The following VPS13D variants were observed in gnomAD, a reference collection of about 807,000 sequenced individuals.
VPS13D encodes intermembrane lipid transfer protein VPS13D.
Under a neutral mutation model 461.9 loss-of-function variants are expected in VPS13D, and 187 were observed. The ratio of observed to expected loss-of-function variants is 0.40; its 90% CI spans 0.36 to 0.46. The LOEUF is 0.46. Among genes scored for constraint, VPS13D ranks in the 20% least tolerant of loss-of-function variants. The probability of loss-of-function intolerance (pLI) is 0.60; values close to 1 mark genes in which losing one functional copy is unlikely to be tolerated. For missense variants in VPS13D, 4,711 were observed against 5,364.9 expected, an observed-to-expected ratio of 0.88 and a Z score of 3.81; for synonymous variants, 1,951 against 1,986.3, an observed-to-expected ratio of 0.98 and a Z score of 0.47.
At chr1:12,235,149 C>A (rs1640103689) in intron 2 of VPS13D, among the ~76,000 whole-genome samples, 1 of 152,212 alleles carries the variant, frequency 6.6e-6, no homozygotes, top group Non-Finnish European at 1.5e-5. Flanking sequence ...GGGAAGGAGA[C>A]TTCAAATACA....
At chr1:12,500,843 G>A (rs572260504) in intron 68 of VPS13D, among the ~76,000 whole-genome samples, 9 of 150,632 alleles carry the variant, frequency 6.0e-5, no homozygotes, top group East Asian at 2.1e-4. Context: ...TGGGAGGATC[G>A]CTTGAGGCCG....
chr1:12,265,917 G>A (rs1419764154), intron 13 of VPS13D, among the ~76,000 whole-genome samples: 3 of 152,262 alleles, frequency 2.0e-5, no homozygotes, highest in East Asian at 1.9e-4. Flanking sequence ...CCAGCACTTC[G>A]GGAGGCCAAG....
At chr1:12,286,259 G>A (rs1456864632) in intron 21 of VPS13D, among the ~76,000 whole-genome samples, 1 of 152,080 alleles carries the variant, frequency 6.6e-6, no homozygotes, top group Admixed American at 6.6e-5. Flanking sequence ...TGTGTTTTTA[G>A]TTGAGATGGG....
Position 12,253,829 on chromosome 1 carries a change from A to G in VPS13D, c.669+3A>G, listed in dbSNP as rs1029116155. ...ATTTGCCTCAGATGGAGTTACAGGT[A>G]CGATTTCGGCAGGGAGATTTGTTGC... On this transcript the variant is annotated splice_donor_region_variant and intron_variant, in intron 7 of 69. Transcript: ENST00000620676. 3.1e-6 allele frequency: 5 copies of G among 1,612,874 alleles called. No homozygotes were observed. The African/African-American group carries it at 6.7e-5, about 22-fold the overall frequency.
intron 65 of VPS13D, among the ~76,000 whole-genome samples, chr1:12,443,283 T>C (rs1645152004): frequency 6.6e-6 from 1 of 152,266 alleles, no homozygotes. Context: ...ATTTTTGAGA[T>C]TCATGCATGT....
intron 30 of VPS13D, among the ~76,000 whole-genome samples, chr1:12,315,669 T>C (rs2101511880): frequency 6.6e-6 from 1 of 152,348 alleles, no homozygotes; most frequent in East Asian, 1.9e-4. Flanking sequence ...AAGCCCATGA[T>C]GTTTCCAACA....
chr1:12,344,434 G>A (rs1360794956), intron 42 of VPS13D, among the ~76,000 whole-genome samples: 4 of 152,110 alleles, frequency 2.6e-5, no homozygotes, highest in Non-Finnish European at 4.4e-5. Context: ...TCACTATGCT[G>A]GGCACACATG....
chr1:12,477,633 G>A (rs1001980300), intron 67 of VPS13D, among the ~76,000 whole-genome samples: 1 of 152,120 alleles, frequency 6.6e-6, no homozygotes, highest in African/African-American at 2.4e-5. Context: ...GCATTAATGA[G>A]AACACATGGA....
intron 67 of VPS13D, among the ~76,000 whole-genome samples, chr1:12,476,022 C>T (rs887139633): frequency 3.3e-5 from 5 of 152,170 alleles, no homozygotes; most frequent in African/African-American, 1.2e-4. Flanking sequence ...ATGAGTACTT[C>T]TTAGCCTTGG....
rs183524809 is a variant in VPS13D at position 12,253,760 on chromosome 1, A to G, written c.603A>G (p.Ala201=). 2.5e-6 allele frequency: 4 copies of G among 1,614,190 alleles called. No homozygotes were observed. The highest frequency in any genetic ancestry group is 4.5e-5 in the East Asian group (2 of 44,880). Residue 201 remains alanine (A), a synonymous_variant, in exon 7 of 70, where the codon GCA becomes GCG. Coordinates refer to ENST00000620676, the MANE Select transcript of VPS13D (RefSeq NM_015378.4). Reference sequence around the variant, plus strand: ...TGCGGAAAAAGCAATTAGACGTAGCAGAATTTAGCATCTATTGGGATGTCG... The same window carrying G: ...TGCGGAAAAAGCAATTAGACGTAGCGGAATTTAGCATCTATTGGGATGTCG... ...KLMRKKQLDV[A]EFSIYWDVDC... is the part of the protein sequence containing the mutation.
chr1:12,487,610 CAAAA>C (rs765536608), intron 67 of VPS13D, among the ~76,000 whole-genome samples: 1 of 89,828 alleles, frequency 1.1e-5, no homozygotes, highest in East Asian at 3.2e-4. Flanking sequence ...GATTCCATCT[CAAAA>C]AAAAAAAAAA....
In VPS13D at chr1:12,348,877, G is replaced by C; in HGVS notation, c.9124G>C (p.Ala3042Pro). 1.2e-6 allele frequency: 2 copies of C among 1,614,160 alleles called. No individual in the cohort carries two copies. The highest frequency in any genetic ancestry group is 1.7e-6 in the Non-Finnish European group (2 of 1,180,036). The change falls in exon 45 of 70, where the codon GCA becomes CCA. Residue 3042 changes from alanine (A) to proline (P), a missense_variant. This residue lies in a region of VPS13D where 4,411 missense variants were observed against 4,937.8 expected (regional missense o/e 0.89). Coordinates refer to ENST00000620676, the MANE Select transcript of VPS13D (RefSeq NM_015378.4). ...CTTTGCAGTGACTATGGAAGGCAGT[G>C]CACGGAAAGTCATCACTGTCCGGTC... is the stretch of plus-strand genomic sequence containing the variant. ...VVFAVTMEGS[A>P]RKVITVRSAL...
At chr1:12,444,931 T>C (rs978577758) in intron 65 of VPS13D, among the ~76,000 whole-genome samples, 1 of 152,240 alleles carries the variant, frequency 6.6e-6, no homozygotes, top group Non-Finnish European at 1.5e-5. Flanking sequence ...TTTTTAAATT[T>C]TCCCCCATGC....
chr1:12,257,075 C>A lies in VPS13D; in HGVS notation c.929C>A (p.Ala310Glu). Residue 310 changes from alanine to glutamate, a missense_variant, in exon 9 of 70, where the codon GCG becomes GAG. By Grantham distance (107) the Ala-to-Glu change is moderately radical. This residue lies in a region of VPS13D where 4,411 missense variants were observed against 4,937.8 expected (regional missense o/e 0.89). Coordinates refer to ENST00000620676, the MANE Select transcript of VPS13D (RefSeq NM_015378.4). ...TTCCGAAGGTGGAAACCCAAGGTGG[C>A]GATATCTAAGAAGTAAGGGCTTCTC... The part of the protein sequence containing the change: ...VKFRRWKPKV[A>E]ISKNCREWWY... 6.2e-7 allele frequency: 1 copy of A among 1,613,894 alleles called. No individual in the cohort carries two copies. The highest frequency in any genetic ancestry group is 8.5e-7 in the Non-Finnish European group (1 of 1,179,876).
At chr1:12,259,325 T>G (rs567002630) in intron 10 of VPS13D, among the ~76,000 whole-genome samples, 1 of 151,666 alleles carries the variant, frequency 6.6e-6, no homozygotes, top group Non-Finnish European at 1.5e-5. Context: ...TTTTATTTTT[T>G]TTTTTTTTGA....
At chr1:12,469,539 G>C (rs182728937) in intron 67 of VPS13D, among the ~76,000 whole-genome samples, 1 of 152,290 alleles carries the variant, frequency 6.6e-6, no homozygotes, top group Admixed American at 6.5e-5. Context: ...TTGACAAGCT[G>C]CTCTAGTTGA....
At position 12,506,880 on chromosome 1, in the gene VPS13D, C is replaced by T. The variant is rs1257270019; in HGVS notation, c.12822C>T (p.Ser4274=). 1.2e-6 allele frequency: 2 copies of T among 1,614,154 alleles called. No individual in the cohort carries two copies. Among genetic ancestry groups the T allele is most frequent in the African/African-American group, 1.3e-5 (1 of 74,960 alleles). The change falls in exon 69 of 70, where the codon AGC becomes AGT. Residue 4274 remains serine (S), a synonymous_variant. Transcript: ENST00000620676. ...EFFIAVENID[S]YCVLISSKAV... ...TCATCGCTGTGGAGAACATTGACAG[C>T]TACTGCGTGCTCATCTCCTCCAAAG... is the stretch of plus-strand genomic sequence containing the variant.
intron 63 of VPS13D, among the ~76,000 whole-genome samples, chr1:12,405,898 A>G (rs1644647106): frequency 6.6e-6 from 1 of 152,210 alleles, no homozygotes; most frequent in Non-Finnish European, 1.5e-5. Context: ...AATTGCTCCC[A>G]GCAGAAAACT....
At chr1:12,459,638 C>T (rs1645381162) in intron 66 of VPS13D, among the ~76,000 whole-genome samples, 1 of 151,936 alleles carries the variant, frequency 6.6e-6, no homozygotes, top group Admixed American at 6.6e-5. Context: ...ATCACCACGC[C>T]CAGCTAATTT....
Sources: gnomAD v4.1 joint callset for allele counts (sites outside exome capture counted in the v4.1 genomes callset) on GRCh38, gnomAD v4.1.1 for gene constraint, gnomAD v4.1.1 regional missense constraint, MANE v1.5 for transcripts, NCBI Gene and HGNC (gene_info 2026-07-23, HGNC 2026-07-21) for gene names.